Variants in LDB2 observed in about 807,000 individuals in gnomAD.
LDB2 encodes LIM domain-binding protein 2.
Under a neutral mutation model 44.3 loss-of-function variants are expected in LDB2, and 12 were observed. The observed-to-expected ratio is 0.27, with a 90% CI of 0.17 to 0.44. LDB2 has a LOEUF of 0.44. Ranked by LOEUF, LDB2 falls within the 20% of genes least tolerant of loss-of-function variation. The pLI is 1.00. For synonymous variants in LDB2, 164 were observed against 174.8 expected (o/e 0.94, Z 0.49); for missense variants, 344 against 473.5 (o/e 0.73, Z 2.54).
intron 1 of LDB2, among the ~76,000 whole-genome samples, chr4:16,869,458 A>G (rs995264990): frequency 2.0e-5 from 3 of 152,194 alleles, no homozygotes; most frequent in Admixed American, 6.5e-5. Flanking sequence ...GTGCTTCTAA[A>G]ACAACTATGT....
At chr4:16,895,920 T>A (rs1486380989) in intron 1 of LDB2, among the ~76,000 whole-genome samples, 1 of 152,116 alleles carries the variant, frequency 6.6e-6, no homozygotes, top group Admixed American at 6.5e-5. Context: ...GATGTAAATA[T>A]TTAAATATCT....
At chr4:16,557,147 C>T (rs142468022) in intron 5 of LDB2, among the ~76,000 whole-genome samples, 1,611 of 152,276 alleles carry the variant, frequency 0.011, 34 homozygotes, top group African/African-American at 0.037. Context: ...GCGTGAGCGA[C>T]GCAGAAGACG....
At chr4:16,681,445 C>A (rs77949367) in intron 2 of LDB2, among the ~76,000 whole-genome samples, 2,963 of 152,158 alleles carry the variant, frequency 0.019, 110 homozygotes, top group East Asian at 0.086. Flanking sequence ...CTTGTGAGAA[C>A]CTAAACTGAG....
At chr4:16,733,174 T>C (rs1761116616) in intron 2 of LDB2, among the ~76,000 whole-genome samples, 1 of 152,174 alleles carries the variant, frequency 6.6e-6, no homozygotes, top group Non-Finnish European at 1.5e-5. Context: ...GCCTACTACC[T>C]TGATGAAGCC....
intron 5 of LDB2, among the ~76,000 whole-genome samples, chr4:16,572,601 A>AT (rs1009558801): frequency 4.6e-5 from 7 of 151,410 alleles, no homozygotes; most frequent in Non-Finnish European, 7.4e-5. Context: ...GTGTGTGTGT[A>AT]TTTTTTTTAA....
chr4:16,756,076 A>G (rs1211300363), intron 2 of LDB2, among the ~76,000 whole-genome samples: 4 of 152,212 alleles, frequency 2.6e-5, no homozygotes, highest in Admixed American at 2.6e-4. Context: ...TTTCTGAATG[A>G]AAGGAACAAT....
Position 16,822,411 on chromosome 4 carries a change from G to A in LDB2, c.133-63151C>T, listed in dbSNP as rs767369853. Among the ~76,000 whole-genome samples the A allele has an allele frequency of 4.2e-4, 64 of 152,204 alleles. 1 individual carries two copies. The highest frequency in any genetic ancestry group is 2.1e-3 in the South Asian group (10 of 4,818). ...GGAGGATGTCTTTAAGAGTGTCCAC[G>A]GAATTTTTTTTAGGTCTGAGTTTAA... On this transcript the variant is annotated intron_variant, in intron 1 of 7. Coordinates refer to ENST00000304523, the MANE Select transcript of LDB2 (RefSeq NM_001290.5).
At chr4:16,779,403 C>T (rs1772667382) in intron 1 of LDB2, among the ~76,000 whole-genome samples, 1 of 152,142 alleles carries the variant, frequency 6.6e-6, no homozygotes, top group Admixed American at 6.5e-5. Flanking sequence ...CTGGGTCTGC[C>T]TGCAGATCTT....
chr4:16,840,922 C>A (rs543983684), intron 1 of LDB2, among the ~76,000 whole-genome samples: 3 of 152,214 alleles, frequency 2.0e-5, no homozygotes, highest in Non-Finnish European at 2.9e-5. Context: ...TAGAGGAGAC[C>A]CTGCAAGGAA....
At chr4:16,688,510 C>T (rs909146538) in intron 2 of LDB2, among the ~76,000 whole-genome samples, 2 of 152,162 alleles carry the variant, frequency 1.3e-5, no homozygotes, top group South Asian at 2.1e-4. Flanking sequence ...TAAAAAAGCA[C>T]AAAATGGCAT....
intron 1 of LDB2, among the ~76,000 whole-genome samples, chr4:16,862,558 C>T (rs1284442759): frequency 2.0e-5 from 3 of 146,962 alleles, no homozygotes; most frequent in Non-Finnish European, 3.0e-5. Context: ...GCTTGAACCC[C>T]GGAAGTGGAG....
At chr4:16,737,532 A>G (rs1762137677) in intron 2 of LDB2, among the ~76,000 whole-genome samples, 1 of 152,260 alleles carries the variant, frequency 6.6e-6, no homozygotes, top group East Asian at 1.9e-4. Flanking sequence ...AGTATAAAAA[A>G]CTAAGGCAAA....
chr4:16,655,434 G>C (rs1219929519), intron 2 of LDB2, among the ~76,000 whole-genome samples: 1 of 152,138 alleles, frequency 6.6e-6, no homozygotes, highest in Non-Finnish European at 1.5e-5. Context: ...AATGCTCATG[G>C]GTGTAGATGA....
chr4:16,763,039 A>G (rs1210335152), intron 1 of LDB2, among the ~76,000 whole-genome samples: 1 of 151,502 alleles, frequency 6.6e-6, no homozygotes, highest in Non-Finnish European at 1.5e-5. Context: ...ATTTCAGAAG[A>G]GGTCTGCTGG....
chr4:16,650,941 A>G (rs1238350001), intron 2 of LDB2, among the ~76,000 whole-genome samples: 5 of 152,206 alleles, frequency 3.3e-5, no homozygotes, highest in Non-Finnish European at 7.3e-5. Context: ...TGATTTCTCT[A>G]TCCCTAATAT....
intron 2 of LDB2, among the ~76,000 whole-genome samples, chr4:16,687,212 T>A (rs1749473835): frequency 6.6e-6 from 1 of 152,206 alleles, no homozygotes; most frequent in South Asian, 2.1e-4. Flanking sequence ...TGCAAATTCC[T>A]ATTTTGAAAT....
intron 2 of LDB2, 32 bp from the exon 3 acceptor site, chr4:16,595,907 A>G: frequency 6.2e-7 from 1 of 1,604,150 alleles, no homozygotes; most frequent in Non-Finnish European, 8.5e-7. Flanking sequence ...ACAAACCATT[A>G]ACAAAAATAT....
rs1718138860 is a variant in LDB2, at chr4:16,503,552, GTCATTAGCAAAAACCT to G, written c.892-695_892-680del. On this transcript the variant is annotated intron_variant, in intron 7 of 7. Coordinates refer to ENST00000304523, the MANE Select transcript of LDB2 (RefSeq NM_001290.5). Reference sequence around the variant, plus strand: ...TTTGACAATTTGCATAGCTAATTAAGTCATTAGCAAAAACCTGCTGATTGCCAACAAGCCTTGAATT... The same window carrying G: ...TTTGACAATTTGCATAGCTAATTAAGGCTGATTGCCAACAAGCCTTGAATT... 2.0e-5 allele frequency among the ~76,000 whole-genome samples: 3 copies of G among 152,180 alleles called. No individual in the cohort carries two copies. In the South Asian group the frequency reaches 6.2e-4, roughly 32 times the overall value.
At chr4:16,852,441 T>C (rs1047860637) in intron 1 of LDB2, among the ~76,000 whole-genome samples, 1 of 152,158 alleles carries the variant, frequency 6.6e-6, no homozygotes, top group Non-Finnish European at 1.5e-5. Context: ...TGGGATGAAC[T>C]AGGAGCTGCC....
Sources: gnomAD v4.1 joint callset for allele counts (sites outside exome capture counted in the v4.1 genomes callset) on GRCh38, gnomAD v4.1.1 for gene constraint, MANE v1.5 for transcripts, NCBI Gene and HGNC (gene_info 2026-07-23, HGNC 2026-07-21) for gene names.